Variants in UROS observed in about 807,000 individuals in gnomAD.
The protein encoded by UROS is uroporphyrinogen-III synthase.
Under a neutral mutation model 33.0 loss-of-function variants are expected in UROS, and 18 were observed. That is an observed-to-expected ratio of 0.55 (90% confidence interval 0.38 to 0.81). UROS has a LOEUF of 0.81. UROS is among the 30% of genes least tolerant of loss of function. The pLI is 0.00. For missense variants in UROS, 293 were observed against 314.9 expected (o/e 0.93, Z 0.53); for synonymous variants, 114 against 121.1 (o/e 0.94, Z 0.38).
rs374694506 is a variant in UROS, at chr10:125,796,743, G to C, written c.476-555C>G. 3.3e-5 allele frequency: 32 copies of C among 966,214 alleles called. No individual in the cohort carries two copies. In the East Asian group the frequency reaches 1.5e-3, roughly 45 times the overall value. The allele number at this position is 966,214 out of a possible 1,614,324, so 59.9% of individuals were successfully genotyped here. On this transcript the variant is annotated intron_variant, in intron 7 of 9. Coordinates refer to ENST00000368797, the MANE Select transcript of UROS (RefSeq NM_000375.3). ...ATTCAGCGACTCTGAATATTCCCAGGGGTTTTCAGGGCTGGTGATGAGGCG... is the reference window on the plus strand; with the variant it reads ...ATTCAGCGACTCTGAATATTCCCAGCGGTTTTCAGGGCTGGTGATGAGGCG...
chr10:125,809,849 G>A (rs1852645785), intron 5 of UROS, among the ~76,000 whole-genome samples: 1 of 152,130 alleles, frequency 6.6e-6, no homozygotes, highest in African/African-American at 2.4e-5. Flanking sequence ...ACAGGTGTGA[G>A]CCACTGCACC....
At chr10:125,807,231 C>G in intron 6 of UROS, 182 bp downstream of exon 6, 1 of 634,344 alleles carries the variant, frequency 1.6e-6, no homozygotes. Flanking sequence ...GTGGGCTAAA[C>G]CTCACAAAGT....
chr10:125,806,692 T>G lies in UROS; in HGVS notation c.394+721A>C, dbSNP rs1036775810. On this transcript the variant is annotated intron_variant, in intron 6 of 9. Coordinates refer to ENST00000368797, the MANE Select transcript of UROS (RefSeq NM_000375.3). ...TCTAAGATAAGATAGTTCTACTTCATGCTCTCATGGGGGTGTATGATCTTA... is the reference window on the plus strand; with the variant it reads ...TCTAAGATAAGATAGTTCTACTTCAGGCTCTCATGGGGGTGTATGATCTTA... 3.9e-5 allele frequency among the ~76,000 whole-genome samples: 6 copies of G among 152,324 alleles called. No individual in the cohort carries two copies. In the East Asian group the frequency reaches 1.2e-3, roughly 29 times the overall value.
chr10:125,810,215 A>G (rs1170905179), intron 5 of UROS, among the ~76,000 whole-genome samples: 1 of 152,180 alleles, frequency 6.6e-6, no homozygotes, highest in Non-Finnish European at 1.5e-5. Context: ...TACTTGATTC[A>G]AGCCAAAAGA....
chr10:125,802,594 GCCAA>G lies in UROS; in HGVS notation c.395-4453_395-4450del, dbSNP rs944419197. 2.9e-6 allele frequency: 3 copies of G among 1,035,624 alleles called. No homozygotes were observed. The African/African-American group carries it at 5.1e-5, about 18-fold the overall frequency. 64.2% of individuals were successfully genotyped at this position (1,035,624 alleles called of 1,614,324 possible). Reference sequence around the variant, plus strand: ...GCACAAGTGGCCAGAGAAGCACAGGGCCAACCGTCTTTACTAGCAGCAAATGGTG... The same window carrying G: ...GCACAAGTGGCCAGAGAAGCACAGGGCCGTCTTTACTAGCAGCAAATGGTG... On this transcript the variant is annotated intron_variant, in intron 6 of 9. Transcript: ENST00000368797.
chr10:125,811,826 T>C (rs1852840970), intron 5 of UROS, among the ~76,000 whole-genome samples: 1 of 151,758 alleles, frequency 6.6e-6, no homozygotes, highest in Non-Finnish European at 1.5e-5. Context: ...AACTATGATA[T>C]CACTATCTGG....
chr10:125,816,225 G>C lies in UROS; in HGVS notation c.99C>G (p.Ile33Met). 1 of 1,614,168 alleles carries C rather than the reference G, an allele frequency of 6.2e-7. No homozygotes were observed. The highest frequency in any genetic ancestry group is 8.5e-7 in the Non-Finnish European group (1 of 1,180,020). ...ACAAAAACTCAAACGATAAAACAGG[G>C]ATCAAAGTGGCTTCAAGTCCATATA... is the stretch of plus-strand genomic sequence containing the variant. ...LGLYGLEATL[I>M]PVLSFEFLSL... is the part of the protein sequence containing the mutation. The change falls in exon 3 of 10, where the codon ATC becomes ATG. Residue 33 changes from isoleucine (I) to methionine (M), a missense_variant. Ile to Met is a conservative substitution (Grantham distance 10, BLOSUM62 1). Coordinates refer to ENST00000368797, the MANE Select transcript of UROS (RefSeq NM_000375.3).
chr10:125,799,411 T>C (rs1415252898), intron 6 of UROS, among the ~76,000 whole-genome samples: 1 of 152,164 alleles, frequency 6.6e-6, no homozygotes, highest in Non-Finnish European at 1.5e-5. Context: ...ATGTGTGTGT[T>C]GGGGAATGCA....
chr10:125,800,557 C>A (rs576358751), intron 6 of UROS, among the ~76,000 whole-genome samples: 112 of 137,390 alleles, frequency 8.2e-4, no homozygotes, highest in African/African-American at 2.7e-3. Flanking sequence ...GCTTTTCTTT[C>A]TTTCTTTCTT....
chr10:125,803,347 C>T (rs1851997753), intron 6 of UROS, among the ~76,000 whole-genome samples: 1 of 152,172 alleles, frequency 6.6e-6, no homozygotes, highest in African/African-American at 2.4e-5. Context: ...CTGTTATGCC[C>T]CCAGAGCCTC....
chr10:125,803,138 C>T (rs2133873943), intron 6 of UROS: 3 of 1,426,050 alleles, frequency 2.1e-6, no homozygotes, highest in African/African-American at 2.9e-5. Context: ...GCTTGAGCCC[C>T]AGCCTACCAC....
intron 1 of UROS, among the ~76,000 whole-genome samples, chr10:125,821,038 T>C (rs1853828507): frequency 6.6e-6 from 1 of 152,204 alleles, no homozygotes; most frequent in Admixed American, 6.5e-5. Context: ...ACAAAAGTGA[T>C]CCTGTTTACT....
intron 6 of UROS, 137 bp from the exon 7 acceptor site, chr10:125,798,282 C>T: frequency 1.2e-6 from 1 of 828,220 alleles, no homozygotes; most frequent in Non-Finnish European, 2.0e-6. Context: ...TCAGTTTCAG[C>T]ATCTGTAAAC....
At chr10:125,807,100 C>G in intron 6 of UROS, 1 of 378,620 alleles carries the variant, frequency 2.6e-6, no homozygotes. Context: ...TACCCACTCA[C>G]ACCTCCTGCC....
At position 125,795,517 on chromosome 10, in the gene UROS, G is replaced by T. The variant is rs185047204; in HGVS notation, c.562-539C>A. ...ATGCTGAAGACATCAAGGAACTCAAGCAAGAGCTATCCATTCTCCTGCCTG... is the reference window on the plus strand; with the variant it reads ...ATGCTGAAGACATCAAGGAACTCAATCAAGAGCTATCCATTCTCCTGCCTG... On this transcript the variant is annotated intron_variant, in intron 8 of 9. Transcript: ENST00000368797. Among the ~76,000 whole-genome samples the T allele has an allele frequency of 3.3e-5, 5 of 152,282 alleles. No individual in the cohort carries two copies. The East Asian group carries it at 9.6e-4, about 29-fold the overall frequency.
At chr10:125,798,857 A>T (rs1325351579) in intron 6 of UROS, among the ~76,000 whole-genome samples, 1 of 152,234 alleles carries the variant, frequency 6.6e-6, no homozygotes, top group Non-Finnish European at 1.5e-5. Flanking sequence ...ATAGGATTTG[A>T]ATGCCAATTT....
chr10:125,794,932 T>C lies in UROS; in HGVS notation c.608A>G (p.Tyr203Cys). Residue 203 changes from tyrosine to cysteine, a missense_variant, in exon 9 of 10, where the codon TAC becomes TGC. Coordinates refer to ENST00000368797, the MANE Select transcript of UROS (RefSeq NM_000375.3). ...TAACTCCTGAATGTGCTTGAGACTG[T>C]ATGTGAGGCCAGAGGGACTAAAAAA... is the stretch of plus-strand genomic sequence containing the variant. The part of the protein sequence containing the change: ...ITFFSPSGLT[Y>C]SLKHIQELSG... 1 of 1,614,124 alleles carries C rather than the reference T, an allele frequency of 6.2e-7. No homozygotes were observed. The highest frequency in any genetic ancestry group is 8.5e-7 in the Non-Finnish European group (1 of 1,180,030).
chr10:125,802,219 T>C (rs190930367), intron 6 of UROS: 2 of 985,510 alleles, frequency 2.0e-6, no homozygotes, highest in East Asian at 2.3e-4. Flanking sequence ...GAGCGAACCC[T>C]CCACACTGAT....
chr10:125,816,623 G>T (rs1042348663), intron 1 of UROS, 98 bp from the exon 2 acceptor site: 2 of 1,197,766 alleles, frequency 1.7e-6, no homozygotes, highest in East Asian at 2.4e-5. Flanking sequence ...GCAATCAAAT[G>T]CTTGTGGAAG....
Sources: allele counts gnomAD v4.1 joint callset (sites outside exome capture counted in the v4.1 genomes callset), GRCh38; gene constraint gnomAD v4.1.1; transcripts MANE v1.5; gene names NCBI Gene and HGNC (gene_info 2026-07-23, HGNC 2026-07-21).